Variants in ELFN1 observed in about 807,000 individuals in gnomAD.
The protein encoded by ELFN1 is extracellular leucine rich repeat and fibronectin type III domain containing 1.
A neutral mutation model predicts 7.6 loss-of-function variants in ELFN1; 6 were observed. That is an observed-to-expected ratio of 0.79 (90% CI 0.43 to 1.56). The LOEUF is 1.56. ELFN1 is among the 40% of genes most tolerant of loss of function. The pLI is 0.01. For synonymous variants in ELFN1, 657 were observed against 588.1 expected, an observed-to-expected ratio of 1.12 and a Z score of -1.70; for missense variants, 1,169 against 1,232.2, an observed-to-expected ratio of 0.95 and a Z score of 0.77.
chr7:1,719,035 G>A (rs1295228943), intron 3 of ELFN1, among the ~76,000 whole-genome samples: 1 of 152,078 alleles, frequency 6.6e-6, no homozygotes, highest in Non-Finnish European at 1.5e-5. Flanking sequence ...AGGGGCCTGA[G>A]TGCCTGAATC....
chr7:1,668,041 C>T (rs1778698920), upstream of ELFN1, among the ~76,000 whole-genome samples: 1 of 152,192 alleles, frequency 6.6e-6, no homozygotes, highest in South Asian at 2.1e-4. Flanking sequence ...TCCCCTCCCC[C>T]AGCTCCAGGT....
At chr7:1,689,313 A>G (rs1237991256) in intron 2 of ELFN1, among the ~76,000 whole-genome samples, 4 of 152,248 alleles carry the variant, frequency 2.6e-5, no homozygotes, top group Non-Finnish European at 4.4e-5. Context: ...TAATTTCAGC[A>G]TTGCACAGGC....
chr7:1,674,928 T>C (rs1220083830), intron 1 of ELFN1, among the ~76,000 whole-genome samples: 1 of 135,654 alleles, frequency 7.4e-6, no homozygotes, highest in Non-Finnish European at 1.6e-5. Context: ...CTCTGAATTT[T>C]AAAGATAGGG....
chr7:1,734,727 G>C (rs980447697), intron 3 of ELFN1, among the ~76,000 whole-genome samples: 3 of 151,136 alleles, frequency 2.0e-5, no homozygotes, highest in African/African-American at 7.3e-5. Context: ...TTTGAGACAG[G>C]ATCTCTGTCA....
intron 1 of ELFN1, among the ~76,000 whole-genome samples, chr7:1,686,015 G>C (rs1254391688): frequency 2.0e-5 from 3 of 148,004 alleles, no homozygotes; most frequent in Non-Finnish European, 4.5e-5. Context: ...TGAAGTCTTT[G>C]TTATATCTAA....
chr7:1,744,894 G>A lies in ELFN1; in HGVS notation c.298G>A (p.Glu100Lys), dbSNP rs1266289595. The A allele has an allele frequency of 1.9e-6, 3 of 1,559,444 alleles. No homozygotes were observed. The highest frequency in any genetic ancestry group is 2.6e-6 in the Non-Finnish European group (3 of 1,151,182). The change falls in exon 4 of 4, where the codon GAG becomes AAG. Residue 100 changes from glutamate (E) to lysine (K), a missense_variant. Physicochemically the swap from Glu to Lys is moderately conservative, Grantham distance 56. This residue lies in a region of ELFN1 where 255 missense variants were observed against 359.6 expected (regional missense o/e 0.71). Transcript: ENST00000424383. ...CACCAAGAACGAGATCGGCTACATC[G>A]AGGACGGCGCCTTCTCGGGCCAGTT... ...NLTKNEIGYI[E>K]DGAFSGQFNL... is the part of the protein sequence containing the mutation.
At chr7:1,668,851 C>T (rs903293348), upstream of ELFN1, among the ~76,000 whole-genome samples, 3 of 152,252 alleles carry the variant, frequency 2.0e-5, no homozygotes, top group African/African-American at 7.2e-5. Flanking sequence ...CCCTTCCTGC[C>T]GGCCCCTGGG....
chr7:1,723,876 C>G (rs1213957588), intron 3 of ELFN1, among the ~76,000 whole-genome samples: 1 of 152,246 alleles, frequency 6.6e-6, no homozygotes, highest in Non-Finnish European at 1.5e-5. Context: ...CCCCTGCCCT[C>G]AGCCAGACAC....
intron 3 of ELFN1, among the ~76,000 whole-genome samples, chr7:1,720,597 G>C (rs1779989804): frequency 6.6e-6 from 1 of 152,178 alleles, no homozygotes; most frequent in African/African-American, 2.4e-5. Flanking sequence ...GCGCCAGCTT[G>C]TGTGCCAAGA....
chr7:1,696,747 C>G (rs1779322368), intron 2 of ELFN1, among the ~76,000 whole-genome samples: 1 of 152,140 alleles, frequency 6.6e-6, no homozygotes, highest in South Asian at 2.1e-4. Flanking sequence ...TGGGCCCCAC[C>G]CTCATGACCT....
Position 1,734,784 on chromosome 7 carries a change from A to G in ELFN1, c.-293-9520A>G, listed in dbSNP as rs578180888. On this transcript the variant is annotated intron_variant, in intron 3 of 3. Transcript: ENST00000424383. ...ACAGTCATGGCTCACTGCAGCCTCA[A>G]CCTCCTGAGCCGGTGGGATCCTCCT... Among the ~76,000 whole-genome samples the G allele has an allele frequency of 7.3e-5, 11 of 151,276 alleles. No individual in the cohort carries two copies. In the East Asian group the frequency reaches 2.1e-3, roughly 29 times the overall value.
intron 2 of ELFN1, among the ~76,000 whole-genome samples, chr7:1,694,583 A>T (rs535221609): frequency 8.7e-4 from 133 of 152,286 alleles, no homozygotes; most frequent in African/African-American, 3.1e-3. Context: ...AGCAGATCCC[A>T]GGGGTACCCC....
In ELFN1 at chr7:1,682,278, G is replaced by A. The variant is rs548205591; in HGVS notation, c.-548-5780G>A. ...GGCCTATTGTCCAATTTTAGCTAAC[G>A]TCTGTATGGTGTGTGAGTGTCAGAG... On this transcript the variant is annotated intron_variant, in intron 1 of 3. Transcript: ENST00000424383. Among the ~76,000 whole-genome samples, 5 of 152,184 alleles carry A rather than the reference G, an allele frequency of 3.3e-5. No individual in the cohort carries two copies. The East Asian group carries it at 5.8e-4, about 18-fold the overall frequency.
intron 3 of ELFN1, among the ~76,000 whole-genome samples, chr7:1,732,104 G>A (rs930415882): frequency 2.0e-5 from 3 of 152,214 alleles, no homozygotes; most frequent in African/African-American, 4.8e-5. Flanking sequence ...GGAGATAGAT[G>A]GGAATCAGAG....
intron 2 of ELFN1, among the ~76,000 whole-genome samples, chr7:1,700,204 C>T (rs532198064): frequency 6.6e-6 from 1 of 152,116 alleles, no homozygotes; most frequent in Admixed American, 6.5e-5. Context: ...TGGAACAAGC[C>T]GTCTATACAG....
rs150521530 is a variant in ELFN1 at position 1,685,858 on chromosome 7, A to G, written c.-548-2200A>G. Reference sequence around the variant, plus strand: ...TTATGTCTTTGAATGTATTTATATTATATAATATATAAACCATTGAAAGAT... The same window carrying G: ...TTATGTCTTTGAATGTATTTATATTGTATAATATATAAACCATTGAAAGAT... On this transcript the variant is annotated intron_variant, in intron 1 of 3. Coordinates refer to ENST00000424383, the MANE Select transcript of ELFN1 (RefSeq NM_001128636.4). Among the ~76,000 whole-genome samples the G allele has an allele frequency of 9.6e-4, 142 of 147,936 alleles. 1 individual carries two copies. In the East Asian group the frequency reaches 0.026, roughly 27 times the overall value.
intron 3 of ELFN1, among the ~76,000 whole-genome samples, chr7:1,711,460 G>A (rs1051997681): frequency 6.6e-6 from 1 of 152,000 alleles, no homozygotes; most frequent in Admixed American, 6.6e-5. Context: ...AAGAGGAGGA[G>A]ATGAGAGAGG....
chr7:1,723,268 G>A (rs184381740), intron 3 of ELFN1, among the ~76,000 whole-genome samples: 2 of 152,354 alleles, frequency 1.3e-5, no homozygotes, highest in Admixed American at 6.5e-5. Flanking sequence ...ACGCGGTTCA[G>A]TGGTGTTCAG....
chr7:1,745,505 G>A lies in ELFN1; in HGVS notation c.909G>A (p.Leu303=). The change falls in exon 4 of 4, where the codon CTG becomes CTA. Residue 303 remains leucine (L), a synonymous_variant. Transcript: ENST00000424383. ...TCTCCGGGGACGGCACCACGCCACT[G>A]GTGGCCCTGCCCACGCTGGCCACGC... ...ECFSGDGTTP[L]VALPTLATQA... 1.3e-6 allele frequency: 2 copies of A among 1,545,036 alleles called. No homozygotes were observed. Among genetic ancestry groups the A allele is most frequent in the Non-Finnish European group, 1.7e-6 (2 of 1,146,826 alleles).
Sources: gnomAD v4.1 joint callset for allele counts (sites outside exome capture counted in the v4.1 genomes callset) on GRCh38, gnomAD v4.1.1 for gene constraint, gnomAD v4.1.1 regional missense constraint, MANE v1.5 for transcripts, NCBI Gene and HGNC (gene_info 2026-07-23, HGNC 2026-07-21) for gene names.